Variants in PAPPA2 observed in about 807,000 individuals in gnomAD.
The protein encoded by PAPPA2 is pappalysin 2.
In PAPPA2, 86 loss-of-function variants were observed where a neutral mutation model predicts 176.4. That is an observed-to-expected ratio of 0.49 (90% CI 0.41 to 0.58). The LOEUF (loss-of-function observed/expected upper bound fraction) is 0.58. Ranked by LOEUF, PAPPA2 falls within the 20% of genes least tolerant of loss-of-function variation. The pLI, the probability that PAPPA2 is intolerant of heterozygous loss-of-function variation, is 0.00. For missense variants in PAPPA2, 2,073 were observed against 2,256.9 expected (o/e 0.92, Z 1.65); for synonymous variants, 809 against 852.2 (o/e 0.95, Z 0.88).
chr1:176,512,221 C>CA (rs58968098), intron 1 of PAPPA2, among the ~76,000 whole-genome samples: 2,466 of 105,610 alleles, frequency 0.023, 75 homozygotes, highest in African/African-American at 0.081. Flanking sequence ...ACTAAATTTG[C>CA]AAAAAAAAAA....
At chr1:176,547,588 T>G (rs1650709692) in intron 1 of PAPPA2, among the ~76,000 whole-genome samples, 2 of 152,150 alleles carry the variant, frequency 1.3e-5, no homozygotes, top group Admixed American at 1.3e-4. Flanking sequence ...ACTGCATGGT[T>G]TGTCATTGCT....
chr1:176,606,065 T>TTA (rs1001765637), intron 3 of PAPPA2, among the ~76,000 whole-genome samples: 6 of 151,428 alleles, frequency 4.0e-5, no homozygotes, highest in African/African-American at 9.7e-5. Context: ...ATATAATATT[T>TTA]TATATATATA....
chr1:176,758,515 T>C (rs1663545834), intron 14 of PAPPA2, among the ~76,000 whole-genome samples: 1 of 152,226 alleles, frequency 6.6e-6, no homozygotes, highest in Non-Finnish European at 1.5e-5. Context: ...ATCCTACTCC[T>C]ATCTGCTGCC....
At chr1:176,600,072 A>G (rs1284418782) in intron 3 of PAPPA2, among the ~76,000 whole-genome samples, 48 of 152,146 alleles carry the variant, frequency 3.2e-4, no homozygotes, top group Admixed American at 3.1e-3. Flanking sequence ...TTATTTATCA[A>G]GCTTCTATGA....
At chr1:176,517,307 T>G (rs1648970767) in intron 1 of PAPPA2, among the ~76,000 whole-genome samples, 1 of 152,106 alleles carries the variant, frequency 6.6e-6, no homozygotes, top group South Asian at 2.1e-4. Context: ...ATTAATTAGC[T>G]AAGATTCCAA....
chr1:176,646,833 C>A (rs1280472219), intron 3 of PAPPA2, among the ~76,000 whole-genome samples: 1 of 151,500 alleles, frequency 6.6e-6, no homozygotes, highest in East Asian at 1.9e-4. Context: ...TAGGTTGCTT[C>A]CAAATCTTGG....
At chr1:176,628,085 C>A (rs1656129524) in intron 3 of PAPPA2, among the ~76,000 whole-genome samples, 1 of 152,080 alleles carries the variant, frequency 6.6e-6, no homozygotes, top group Admixed American at 6.5e-5. Context: ...CAAATTGAAT[C>A]CAGACACCAT....
chr1:176,750,000 G>A lies in PAPPA2; in HGVS notation c.4151+9804G>A, dbSNP rs201344684. 5.3e-5 allele frequency among the ~76,000 whole-genome samples: 8 copies of A among 152,278 alleles called. No individual in the cohort carries two copies. The East Asian group carries it at 1.4e-3, about 26-fold the overall frequency. ...TGTCTTTGAATAAATACCAAGGAATGTGATTGCTGGATCATATGGTTAAGA... is the reference window on the plus strand; with the variant it reads ...TGTCTTTGAATAAATACCAAGGAATATGATTGCTGGATCATATGGTTAAGA... On this transcript the variant is annotated intron_variant, in intron 14 of 22. Transcript: ENST00000367662.
intron 1 of PAPPA2, among the ~76,000 whole-genome samples, chr1:176,488,756 G>A (rs145581285): frequency 6.6e-6 from 1 of 152,068 alleles, no homozygotes; most frequent in Non-Finnish European, 1.5e-5. Flanking sequence ...GAAAGAAGAC[G>A]CAAAGGTTTG....
chr1:176,615,172 C>A (rs1655132909), intron 3 of PAPPA2, among the ~76,000 whole-genome samples: 2 of 152,192 alleles, frequency 1.3e-5, no homozygotes, highest in African/African-American at 2.4e-5. Context: ...TAATTAATAG[C>A]TCCCTCCCAT....
At chr1:176,574,930 G>A (rs1652560522) in intron 2 of PAPPA2, among the ~76,000 whole-genome samples, 1 of 152,184 alleles carries the variant, frequency 6.6e-6, no homozygotes, top group African/African-American at 2.4e-5. Flanking sequence ...AGAGGCAATA[G>A]GCTGTACCAT....
chr1:176,740,257 A>T, intron 14 of PAPPA2, 61 bp downstream of exon 14: 1 of 1,484,500 alleles, frequency 6.7e-7, no homozygotes, highest in Admixed American at 1.9e-5. Context: ...ATTGGCTCAC[A>T]TTTACATAGT....
In PAPPA2 at chr1:176,816,239, G is replaced by GTA. The variant is rs1301500977; in HGVS notation, c.5202+16108_5202+16109insAT. 2.2e-3 allele frequency among the ~76,000 whole-genome samples: 96 copies of GTA among 42,718 alleles called. 1 individual carries two copies. The highest frequency in any genetic ancestry group is 0.015 in the African/African-American group (86 of 5,618). 28.0% of individuals were successfully genotyped at this position (42,718 alleles called of 152,430 possible). ...ATATATAAAATTTATGTGTGTGTGT[G>GTA]TGTATATATATATATATGTATGTAT... On this transcript the variant is annotated intron_variant, in intron 21 of 22. Transcript: ENST00000367662.
chr1:176,712,474 G>A (rs1661190530), intron 12 of PAPPA2, among the ~76,000 whole-genome samples: 1 of 152,018 alleles, frequency 6.6e-6, no homozygotes, highest in Non-Finnish European at 1.5e-5. Flanking sequence ...TTCTTATTTG[G>A]CATTATATTT....
At chr1:176,588,343 A>G (rs148656899) in intron 2 of PAPPA2, among the ~76,000 whole-genome samples, 152 of 152,360 alleles carry the variant, frequency 1.0e-3, no homozygotes, top group African/African-American at 3.4e-3. Context: ...ATGTAAAATC[A>G]TGTCATCTGC....
At chr1:176,689,925 T>G (rs1021053156) in intron 4 of PAPPA2, among the ~76,000 whole-genome samples, 2 of 152,154 alleles carry the variant, frequency 1.3e-5, no homozygotes, top group African/African-American at 4.8e-5. Context: ...AGTATAACAC[T>G]CACCCATGTA....
chr1:176,768,420 G>A (rs774609804), intron 15 of PAPPA2, among the ~76,000 whole-genome samples: 2 of 152,160 alleles, frequency 1.3e-5, no homozygotes, highest in South Asian at 4.1e-4. Flanking sequence ...TTGCATATTT[G>A]TGTTTTCTTT....
chr1:176,591,668 G>A (rs917105299), intron 2 of PAPPA2, among the ~76,000 whole-genome samples: 4 of 152,152 alleles, frequency 2.6e-5, no homozygotes, highest in African/African-American at 9.7e-5. Flanking sequence ...GCATGGGTGA[G>A]CTAACTTAGT....
intron 12 of PAPPA2, among the ~76,000 whole-genome samples, chr1:176,721,648 T>C (rs1403357908): frequency 6.6e-6 from 1 of 152,188 alleles, no homozygotes; most frequent in African/African-American, 2.4e-5. Context: ...CTGATATATA[T>C]TTCTTTGAAG....
Sources: allele counts gnomAD v4.1 joint callset (sites outside exome capture counted in the v4.1 genomes callset), GRCh38; gene constraint gnomAD v4.1.1; transcripts MANE v1.5; gene names NCBI Gene and HGNC (gene_info 2026-07-23, HGNC 2026-07-21).